COL6A3: variants seen among roughly 807,000 people sequenced by gnomAD.
The protein encoded by COL6A3 is collagen alpha-3(VI) chain.
Under a neutral mutation model 274.1 loss-of-function variants are expected in COL6A3, and 137 were observed. The ratio of observed to expected loss-of-function variants is 0.50; its 90% CI spans 0.44 to 0.58. The LOEUF (loss-of-function observed/expected upper bound fraction) is 0.58, where lower values mean the gene tolerates loss of function less well. Among genes scored for constraint, COL6A3 ranks in the 20% least tolerant of loss-of-function variants. The pLI is 0.00. For missense variants in COL6A3, 3,950 were observed against 4,124.9 expected, an observed-to-expected ratio of 0.96 and a Z score of 1.16; for synonymous variants, 1,650 against 1,650.6, an observed-to-expected ratio of 1.00 and a Z score of 0.01.
At chr2:237,381,790 A>G (rs2078012469) in intron 4 of COL6A3, among the ~76,000 whole-genome samples, 1 of 152,226 alleles carries the variant, frequency 6.6e-6, no homozygotes, top group African/African-American at 2.4e-5. Flanking sequence ...GTATGCTGTC[A>G]CTGAAAATTC....
intron 42 of COL6A3, among the ~76,000 whole-genome samples, chr2:237,332,668 A>T (rs1700322669): frequency 6.6e-6 from 1 of 152,236 alleles, no homozygotes; most frequent in East Asian, 1.9e-4. Flanking sequence ...TGTATAAAAC[A>T]GTATTATATC....
chr2:237,324,545 T>A lies in COL6A3; in HGVS notation c.*229A>T. On this transcript the variant is annotated 3_prime_UTR_variant, in exon 44 of 44. Coordinates refer to ENST00000295550, the MANE Select transcript of COL6A3 (RefSeq NM_004369.4). ...AGCAGTGGCTAACTGTTACACAACA[T>A]TCAAAGTATTCGAGAGAACTGCCTG... The A allele has an allele frequency of 1.8e-6, 1 of 545,652 alleles. No homozygotes were observed. The highest frequency in any genetic ancestry group is 3.3e-6 in the Non-Finnish European group (1 of 300,922). 33.8% of individuals were successfully genotyped at this position (545,652 alleles called of 1,614,324 possible). A position where few individuals can be genotyped will look rare whatever the true frequency, so the allele number is the denominator to read the frequency against.
chr2:237,372,025 C>A lies in COL6A3; in HGVS notation c.3992G>T (p.Arg1331Leu), dbSNP rs751772951. 3.7e-6 allele frequency: 6 copies of A among 1,613,944 alleles called. No homozygotes were observed. The highest frequency in any genetic ancestry group is 1.7e-5 in the Admixed American group (1 of 60,002). Residue 1331 changes from arginine (R) to leucine (L), a missense_variant, in exon 9 of 44, where the codon CGC becomes CTC. Arg to Leu is a moderately radical substitution (Grantham distance 102). Transcript: ENST00000295550. ...RNIFKRPLGS[R>L]IEEGVPQFLV... ...GAACTGCGGGACGCCCTCTTCAATG[C>A]GGCTCCCCAGGGGCCTCTTGAAGAT...
chr2:237,347,604 C>T (rs961079874), intron 31 of COL6A3, among the ~76,000 whole-genome samples: 1 of 152,194 alleles, frequency 6.6e-6, no homozygotes, highest in Non-Finnish European at 1.5e-5. Flanking sequence ...AAGAGGAATA[C>T]ACCTACAGGA....
chr2:237,387,529 C>G (rs534478755), intron 4 of COL6A3, 53 bp downstream of exon 4: 1 of 1,612,900 alleles, frequency 6.2e-7, no homozygotes, highest in East Asian at 2.2e-5. Context: ...TCTATGTAAA[C>G]CAACACACAC....
At chr2:237,359,982 G>A (rs1465471070) in intron 17 of COL6A3, 106 bp downstream of exon 17, 3 of 1,172,906 alleles carry the variant, frequency 2.6e-6, no homozygotes, top group Non-Finnish European at 3.8e-6. Flanking sequence ...GCTGAATGCT[G>A]AGGTCAAGAA....
intron 4 of COL6A3, among the ~76,000 whole-genome samples, chr2:237,387,093 C>T (rs2078162471): frequency 6.6e-6 from 1 of 152,138 alleles, no homozygotes; most frequent in Non-Finnish European, 1.5e-5. Context: ...GTATAACTCT[C>T]AGCACCCTAG....
intron 41 of COL6A3, among the ~76,000 whole-genome samples, chr2:237,334,303 C>T (rs1301481170): frequency 1.3e-5 from 2 of 152,166 alleles, no homozygotes; most frequent in East Asian, 3.9e-4. Flanking sequence ...GGAGCCCTCA[C>T]CGGGAGACGT....
intron 42 of COL6A3, chr2:237,327,455 C>T (rs1455068845): frequency 3.3e-5 from 5 of 152,548 alleles, no homozygotes; most frequent in Non-Finnish European, 7.3e-5. Context: ...CACTCCCCGT[C>T]TGATTGGCTT....
At chr2:237,350,648 T>A (rs2077186155) in intron 27 of COL6A3, among the ~76,000 whole-genome samples, 1 of 152,234 alleles carries the variant, frequency 6.6e-6, no homozygotes, top group Admixed American at 6.5e-5. Flanking sequence ...TCAGGCAGCC[T>A]TCATACAGCA....
At chr2:237,373,603 G>A (rs992151261) in intron 8 of COL6A3, among the ~76,000 whole-genome samples, 4 of 151,900 alleles carry the variant, frequency 2.6e-5, no homozygotes, top group Non-Finnish European at 4.4e-5. Context: ...TCCTTCCTCC[G>A]CTCCTCCCCA....
intron 40 of COL6A3, among the ~76,000 whole-genome samples, chr2:237,335,725 C>G (rs946717389): frequency 7.2e-5 from 11 of 152,222 alleles, no homozygotes; most frequent in Admixed American, 1.3e-4. Flanking sequence ...GAGTCCGGCT[C>G]CATACACCAG....
In COL6A3 at chr2:237,361,650, A is replaced by G. The variant is rs2106344069; in HGVS notation, c.6156+89T>C. The G allele has an allele frequency of 8.4e-7, 1 of 1,187,574 alleles. No homozygotes were observed. Among genetic ancestry groups the G allele is most frequent in the Non-Finnish European group, 1.3e-6 (1 of 791,558 alleles). The allele number at this position is 1,187,574 out of a possible 1,614,324, so 73.6% of individuals were successfully genotyped here. A position where few individuals can be genotyped will look rare whatever the true frequency, so the allele number is the denominator to read the frequency against. ...CTCTCGTCTCCTCCTTCATCTCCAC[A>G]CTCTTCTGTTAGAGAAATTACCCCA... On this transcript the variant is annotated intron_variant, in intron 15 of 43. Transcript: ENST00000295550. This position sits in a 1 kb window ranked among gnomAD's most constrained non-coding sequence, Gnocchi z 5.1.
intron 3 of COL6A3, among the ~76,000 whole-genome samples, chr2:237,388,392 A>G (rs778073441): frequency 7.2e-5 from 11 of 152,226 alleles, no homozygotes; most frequent in African/African-American, 1.4e-4. Context: ...TCATGGTGTA[A>G]AAAAGGGACA....
chr2:237,339,777 C>T (rs1413381472), intron 38 of COL6A3, among the ~76,000 whole-genome samples: 1 of 152,190 alleles, frequency 6.6e-6, no homozygotes, highest in African/African-American at 2.4e-5. Context: ...GGCTGCACCT[C>T]CTCAAAGAGC....
intron 21 of COL6A3, 32 bp from the exon 22 acceptor site, chr2:237,357,914 A>G: frequency 6.2e-7 from 1 of 1,601,550 alleles, no homozygotes; most frequent in Non-Finnish European, 8.6e-7. Flanking sequence ...GAAATGAGCC[A>G]CATATGGAAG....
chr2:237,362,351 C>T (rs138322391), intron 14 of COL6A3, among the ~76,000 whole-genome samples: 40 of 152,330 alleles, frequency 2.6e-4, no homozygotes, highest in Middle Eastern at 3.4e-3. Flanking sequence ...GTCCTGGCCT[C>T]GGAGCCAAAA....
At chr2:237,370,155 C>T (rs2077651612) in intron 9 of COL6A3, among the ~76,000 whole-genome samples, 1 of 151,754 alleles carries the variant, frequency 6.6e-6, no homozygotes, top group Non-Finnish European at 1.5e-5. Context: ...AGCCGCCATG[C>T]CCAGCTTCCC....
intron 1 of COL6A3, among the ~76,000 whole-genome samples, chr2:237,406,580 G>A (rs960675614): frequency 6.6e-6 from 1 of 151,618 alleles, no homozygotes; most frequent in Non-Finnish European, 1.5e-5. Flanking sequence ...CCTTGCCTTT[G>A]CCACGCCCAT....
Sources: allele counts gnomAD v4.1 joint callset (sites outside exome capture counted in the v4.1 genomes callset), GRCh38; gene constraint gnomAD v4.1.1; non-coding constraint Gnocchi (gnomAD v3.1); transcripts MANE v1.5; gene names NCBI Gene and HGNC (gene_info 2026-07-23, HGNC 2026-07-21).